Variants in PARP12 observed in about 807,000 individuals in gnomAD.
PARP12 encodes the protein poly(ADP-ribose) polymerase family member 12.
PARP12 carries 59 observed loss-of-function variants against 72.4 expected under a neutral mutation model. The ratio of observed to expected loss-of-function variants is 0.81; its 90% CI spans 0.66 to 1.01. The LOEUF is 1.01. PARP12 is among the 50% of genes least tolerant of loss of function. The pLI, the probability that PARP12 is intolerant of heterozygous loss-of-function variation, is 0.00. For synonymous variants in PARP12, 403 were observed against 371.4 expected (o/e 1.09, Z -0.98); for missense variants, 851 against 914.0 (o/e 0.93, Z 0.89).
At chr7:140,028,562 C>T in intron 9 of PARP12, 51 bp downstream of exon 9, 1 of 1,460,544 alleles carries the variant, frequency 6.8e-7, no homozygotes, top group Non-Finnish European at 9.3e-7. Context: ...CACACACACC[C>T]ACTTCTACAG....
chr7:140,046,120 G>A (rs905838384), intron 5 of PARP12, among the ~76,000 whole-genome samples: 3 of 152,172 alleles, frequency 2.0e-5, no homozygotes, highest in Admixed American at 1.3e-4. Context: ...TAGGCTCTTC[G>A]CTGTGTGTAA....
chr7:140,058,037 G>C lies in PARP12; in HGVS notation c.327-3C>G. The C allele has an allele frequency of 6.2e-7, 1 of 1,614,152 alleles. No homozygotes were observed. Among genetic ancestry groups the C allele is most frequent in the Non-Finnish European group, 8.5e-7 (1 of 1,180,002 alleles). On this transcript the variant is annotated splice_region_variant and splice_polypyrimidine_tract_variant and intron_variant, in intron 1 of 11. Coordinates refer to ENST00000263549, the MANE Select transcript of PARP12 (RefSeq NM_022750.4). ...TGTGACTATTCCTACAGTTCTTCCT[G>C]CAAAGAAGCAGAGCTGGTGTTATAT...
chr7:140,032,013 C>G (rs1056942235), intron 8 of PARP12, among the ~76,000 whole-genome samples: 4 of 151,932 alleles, frequency 2.6e-5, no homozygotes, highest in African/African-American at 9.7e-5. Context: ...GCCAACCTCC[C>G]TAATAGATAA....
Position 140,027,301 on chromosome 7 carries a change from G to C in PARP12, c.1603C>G (p.Leu535Val). Residue 535 changes from leucine (L) to valine (V), a missense_variant, in exon 10 of 12, where the codon CTG becomes GTG. Physicochemically the swap from Leu to Val is conservative, Grantham distance 32 (BLOSUM62 1). Coordinates refer to ENST00000263549, the MANE Select transcript of PARP12 (RefSeq NM_022750.4). ...CACTGGTAGACTTCCCAGAGGGCCA[G>C]GTTCTGTACTCGCTCAATCTTCTGA... is the stretch of plus-strand genomic sequence containing the variant. ...FVQKIERVQN[L>V]ALWEVYQWQK... The C allele has an allele frequency of 1.2e-6, 2 of 1,613,986 alleles. No individual in the cohort carries two copies. The highest frequency in any genetic ancestry group is 1.7e-6 in the Non-Finnish European group (2 of 1,179,946).
chr7:140,039,812 ATG>A (rs1816379392), intron 6 of PARP12, among the ~76,000 whole-genome samples: 1 of 152,198 alleles, frequency 6.6e-6, no homozygotes, highest in African/African-American at 2.4e-5. Context: ...CCAAGCCTAC[ATG>A]TGTTTCTACG....
Position 140,037,736 on chromosome 7 carries a change from T to A in PARP12, c.1303A>T (p.Asn435Tyr), listed in dbSNP as rs776971647. The A allele has an allele frequency of 5.0e-6, 8 of 1,614,064 alleles. No homozygotes were observed. The East Asian group carries it at 1.8e-4, about 36-fold the overall frequency. Residue 435 changes from asparagine (N) to tyrosine (Y), a missense_variant, in exon 7 of 12, where the codon AAC (asparagine) becomes TAC (tyrosine). Coordinates refer to ENST00000263549, the MANE Select transcript of PARP12 (RefSeq NM_022750.4). ...ATACCTTTGAAATCTAACTCGTAGT[T>A]GTGCTTTCCGGCCTGGAACTTCAAG... ...ATLKFQAGKH[N>Y]YELDFKAFVQ...
chr7:140,057,863 G>A, intron 2 of PARP12, 36 bp downstream of exon 2: 1 of 1,612,744 alleles, frequency 6.2e-7, no homozygotes, highest in Non-Finnish European at 8.5e-7. Flanking sequence ...AATGTCCCCA[G>A]GGAGCTGTGG....
At chr7:140,026,678 C>T (rs1373845563) in intron 10 of PARP12, among the ~76,000 whole-genome samples, 1 of 152,068 alleles carries the variant, frequency 6.6e-6, no homozygotes, top group Non-Finnish European at 1.5e-5. Context: ...TGGAGCTGAG[C>T]CCTGGGATGC....
At chr7:140,026,110 C>T in intron 11 of PARP12, 87 bp downstream of exon 11, 2 of 1,596,610 alleles carry the variant, frequency 1.3e-6, no homozygotes, top group Non-Finnish European at 8.6e-7. Context: ...TCAGCTCAGG[C>T]TGGTCCCCTC....
At chr7:140,046,292 T>C (rs1408591531) in intron 5 of PARP12, among the ~76,000 whole-genome samples, 2 of 152,204 alleles carry the variant, frequency 1.3e-5, no homozygotes, top group Non-Finnish European at 2.9e-5. Context: ...AATTCTCTTC[T>C]TGGCAACATA....
At chr7:140,025,638 TA>T (rs1815709683) in intron 11 of PARP12, 1 of 434,722 alleles carries the variant, frequency 2.3e-6, no homozygotes, top group Non-Finnish European at 4.6e-6. Context: ...GGCAGCATGT[TA>T]AAACCAATGA....
At chr7:140,052,074 A>G (rs1816986143) in intron 4 of PARP12, among the ~76,000 whole-genome samples, 1 of 152,206 alleles carries the variant, frequency 6.6e-6, no homozygotes, top group African/African-American at 2.4e-5. Context: ...TCCTACTGGT[A>G]AAGCCATGTT....
At chr7:140,044,470 T>G (rs889747529) in intron 5 of PARP12, among the ~76,000 whole-genome samples, 1 of 152,146 alleles carries the variant, frequency 6.6e-6, no homozygotes, top group African/African-American at 2.4e-5. Context: ...GCCAAGGATT[T>G]CTAAGCATCA....
chr7:140,042,360 TCAGGTGGG>T (rs1343430903), intron 5 of PARP12, among the ~76,000 whole-genome samples: 1 of 152,248 alleles, frequency 6.6e-6, no homozygotes, highest in Non-Finnish European at 1.5e-5. Context: ...AGCTGGGCTT[TCAGGTGGG>T]CAGGTGGGCT....
intron 5 of PARP12, 58 bp from the exon 6 acceptor site, chr7:140,041,897 C>G (rs1338623646): frequency 4.2e-6 from 6 of 1,430,474 alleles, no homozygotes; most frequent in Non-Finnish European, 5.8e-6. Context: ...GACACAGGTC[C>G]CTCAGCTTGA....
chr7:140,034,145 G>A, intron 8 of PARP12, 90 bp downstream of exon 8: 1 of 1,507,140 alleles, frequency 6.6e-7, no homozygotes, highest in South Asian at 1.2e-5. Context: ...ACGGTGCCCG[G>A]GTGCTGTCTG....
Position 140,032,338 on chromosome 7 carries a change from T to G in PARP12, c.1421+1897A>C, listed in dbSNP as rs1815970560. On this transcript the variant is annotated intron_variant, in intron 8 of 11. Coordinates refer to ENST00000263549, the MANE Select transcript of PARP12 (RefSeq NM_022750.4). Reference sequence around the variant, plus strand: ...CCTAACAGTCGACCTCCAAAATTTGTTTTTTTTAATTAAAAAAAAAAAGAG... The same window carrying G: ...CCTAACAGTCGACCTCCAAAATTTGGTTTTTTTAATTAAAAAAAAAAAGAG... Among the ~76,000 whole-genome samples the G allele has an allele frequency of 2.0e-5, 3 of 151,038 alleles. No individual in the cohort carries two copies. In the South Asian group the frequency reaches 6.3e-4, roughly 31 times the overall value.
chr7:140,057,826 C>A lies in PARP12; in HGVS notation c.462+73G>T. The A allele has an allele frequency of 2.5e-6, 4 of 1,581,012 alleles. No individual in the cohort carries two copies. The Admixed American group carries it at 6.9e-5, about 27-fold the overall frequency. On this transcript the variant is annotated intron_variant, in intron 2 of 11. Coordinates refer to ENST00000263549, the MANE Select transcript of PARP12 (RefSeq NM_022750.4). ...ACCAAGGGCCCACCCATTCCACTCCCAGTCATTACATTTCCCAAGACACAG... is the reference window on the plus strand; with the variant it reads ...ACCAAGGGCCCACCCATTCCACTCCAAGTCATTACATTTCCCAAGACACAG...
chr7:140,034,660 C>G, intron 7 of PARP12: 1 of 204,320 alleles, frequency 4.9e-6, no homozygotes, highest in South Asian at 6.7e-5. Flanking sequence ...TATAAAAAAG[C>G]CTCAGCCCAG....
Sources: gnomAD v4.1 joint callset for allele counts (sites outside exome capture counted in the v4.1 genomes callset) on GRCh38, gnomAD v4.1.1 for gene constraint, MANE v1.5 for transcripts, NCBI Gene and HGNC (gene_info 2026-07-23, HGNC 2026-07-21) for gene names.